SRGAP3: variants seen among roughly 807,000 people sequenced by gnomAD.
SRGAP3 encodes the protein SLIT-ROBO Rho GTPase-activating protein 3.
A neutral mutation model predicts 121.1 loss-of-function variants in SRGAP3; 39 were observed. That is an observed-to-expected ratio of 0.32 (90% CI 0.25 to 0.42). The LOEUF (loss-of-function observed/expected upper bound fraction) is 0.42. Among genes scored for constraint, SRGAP3 ranks in the 10% least tolerant of loss-of-function variants. The probability of loss-of-function intolerance (pLI) is 1.00; values close to 1 mark genes in which losing one functional copy is unlikely to be tolerated. For synonymous variants in SRGAP3, 601 were observed against 570.0 expected (o/e 1.05, Z -0.77); for missense variants, 1,213 against 1,470.6 (o/e 0.82, Z 2.86).
chr3:9,125,234 A>G (rs1949178935), intron 1 of SRGAP3, among the ~76,000 whole-genome samples: 1 of 152,184 alleles, frequency 6.6e-6, no homozygotes, highest in African/African-American at 2.4e-5. Context: ...AAATTGACTC[A>G]CCTTTCTTAC....
At chr3:9,064,873 A>G (rs1946353608) in intron 4 of SRGAP3, among the ~76,000 whole-genome samples, 1 of 151,306 alleles carries the variant, frequency 6.6e-6, no homozygotes, top group African/African-American at 2.4e-5. Context: ...ATAAATAAAT[A>G]AATAAATAAA....
chr3:9,262,534 CAAAAA>C lies in SRGAP3; in HGVS notation n.442+63471_442+63475del, dbSNP rs765408588. Among the ~76,000 whole-genome samples, 95 of 25,560 alleles carry C rather than the reference CAAAAA, an allele frequency of 3.7e-3. 1 individual carries two copies. The highest frequency in any genetic ancestry group is 6.7e-3 in the Admixed American group (11 of 1,652). The allele number at this position is 25,560 out of a possible 152,430, so 16.8% of individuals were successfully genotyped here. On this transcript the variant is annotated intron_variant and non_coding_transcript_variant, in intron 3 of 3. Transcript: ENST00000490889. ...GAAGATTTACCAAGCAAATGGAAAG[CAAAAA>C]AAAAAAAAAAAAAAAAAGCAGTGGT...
chr3:8,986,485 A>G (rs897339545), intron 21 of SRGAP3, among the ~76,000 whole-genome samples: 3 of 152,190 alleles, frequency 2.0e-5, no homozygotes, highest in African/African-American at 7.2e-5. Flanking sequence ...TCACACTTCT[A>G]AGGTAGGAAC....
intron 3 of SRGAP3, among the ~76,000 whole-genome samples, chr3:9,282,508 T>G (rs1574969689): frequency 6.6e-6 from 1 of 152,322 alleles, no homozygotes; most frequent in South Asian, 2.1e-4. Context: ...TGTTTTCTTT[T>G]GGGACAGAGT....
chr3:9,278,611 C>T (rs989867351), intron 3 of SRGAP3, among the ~76,000 whole-genome samples: 5 of 152,238 alleles, frequency 3.3e-5, no homozygotes, highest in East Asian at 1.9e-4. Context: ...GTGTCACAAA[C>T]GTAAGATTAC....
chr3:9,136,776 C>T (rs1949680581), intron 1 of SRGAP3, among the ~76,000 whole-genome samples: 1 of 152,202 alleles, frequency 6.6e-6, no homozygotes. Context: ...GGAGACTCCG[C>T]CAGGAGCTTC....
upstream of SRGAP3, among the ~76,000 whole-genome samples, chr3:9,250,341 C>A (rs951234342): frequency 6.6e-6 from 1 of 152,142 alleles, no homozygotes; most frequent in Non-Finnish European, 1.5e-5. Context: ...CTGAAGCTCC[C>A]GGGGCTCCAC....
At chr3:9,069,399 C>T (rs1946578725) in intron 4 of SRGAP3, among the ~76,000 whole-genome samples, 1 of 152,152 alleles carries the variant, frequency 6.6e-6, no homozygotes, top group Non-Finnish European at 1.5e-5. Context: ...TGCAGGAGCT[C>T]AGCTGAGGCC....
At chr3:8,995,512 T>C (rs73810785) in intron 18 of SRGAP3, among the ~76,000 whole-genome samples, 4,875 of 152,188 alleles carry the variant, frequency 0.032, 270 homozygotes, top group African/African-American at 0.11. Context: ...CAAAAGGGCA[T>C]AGCTTAGTAC....
chr3:9,246,363 G>A (rs1219586011), intron 1 of SRGAP3, among the ~76,000 whole-genome samples: 2 of 152,166 alleles, frequency 1.3e-5, no homozygotes, highest in African/African-American at 4.8e-5. Flanking sequence ...ATGTTCTTCA[G>A]AGGCATGCAA....
chr3:9,047,320 C>A (rs1446678469), intron 10 of SRGAP3, 71 bp downstream of exon 10: 30 of 1,505,446 alleles, frequency 2.0e-5, no homozygotes, highest in Non-Finnish European at 2.4e-5. Context: ...CAGCTCAACA[C>A]GTCAGGGGGC....
At chr3:9,359,978 G>A (rs1293626977) in intron 1 of SRGAP3, among the ~76,000 whole-genome samples, 1 of 152,154 alleles carries the variant, frequency 6.6e-6, no homozygotes, top group Non-Finnish European at 1.5e-5. Context: ...TGCCCAGGCT[G>A]GAGTACAGTG....
chr3:9,135,909 C>A (rs796325970), intron 1 of SRGAP3, among the ~76,000 whole-genome samples: 5 of 152,230 alleles, frequency 3.3e-5, no homozygotes, highest in African/African-American at 9.6e-5. Context: ...TACCTTCCCC[C>A]CTGGGGTTGT....
At chr3:9,045,158 C>T (rs1414246054) in intron 10 of SRGAP3, among the ~76,000 whole-genome samples, 1 of 147,674 alleles carries the variant, frequency 6.8e-6, no homozygotes, top group Non-Finnish European at 1.5e-5. Context: ...TTTTCTGTAG[C>T]TCTAAAACTG....
chr3:9,116,521 T>C (rs750496569), intron 2 of SRGAP3, among the ~76,000 whole-genome samples: 3 of 152,046 alleles, frequency 2.0e-5, no homozygotes, highest in Non-Finnish European at 4.4e-5. Context: ...ACAACTCACA[T>C]GGGAGGCGAG....
chr3:9,262,534 C>CAAAAAAAAAAAAAAAAAAAAAAAAAAAAA lies in SRGAP3; in HGVS notation n.442+63475_442+63476insTTTTTTTTTTTTTTTTTTTTTTTTTTTTT, dbSNP rs765408588. Among the ~76,000 whole-genome samples, 10 of 25,568 alleles carry CAAAAAAAAAAAAAAAAAAAAAAAAAAAAA rather than the reference C, an allele frequency of 3.9e-4. 1 individual carries two copies. The highest frequency in any genetic ancestry group is 2.2e-3 in the South Asian group (1 of 460). 16.8% of individuals were successfully genotyped at this position (25,568 alleles called of 152,430 possible). A position where few individuals can be genotyped will look rare whatever the true frequency, so the allele number is the denominator to read the frequency against. On this transcript the variant is annotated intron_variant and non_coding_transcript_variant, in intron 3 of 3. Transcript: ENST00000490889. Reference sequence around the variant, plus strand: ...GAAGATTTACCAAGCAAATGGAAAGCAAAAAAAAAAAAAAAAAAAAAAGCA... The same window carrying CAAAAAAAAAAAAAAAAAAAAAAAAAAAAA: ...GAAGATTTACCAAGCAAATGGAAAGCAAAAAAAAAAAAAAAAAAAAAAAAAAAAAAAAAAAAAAAAAAAAAAAAAAAGCA...
intron 3 of SRGAP3, among the ~76,000 whole-genome samples, chr3:9,295,419 T>C (rs1954935979): frequency 6.6e-6 from 1 of 152,204 alleles, no homozygotes; most frequent in Non-Finnish European, 1.5e-5. Context: ...CTCTACACTC[T>C]AGCATCGTGC....
intron 1 of SRGAP3, among the ~76,000 whole-genome samples, chr3:9,207,244 T>A (rs1056201508): frequency 6.6e-6 from 1 of 152,218 alleles, no homozygotes; most frequent in African/African-American, 2.4e-5. Flanking sequence ...CAAATGAACT[T>A]TGAGTTCAGT....
chr3:9,299,075 A>G (rs1164590371), intron 3 of SRGAP3, among the ~76,000 whole-genome samples: 2 of 147,932 alleles, frequency 1.4e-5, no homozygotes, highest in Admixed American at 1.3e-4. Flanking sequence ...AAAAAAGAAA[A>G]TAGATGGCTG....
Sources: gnomAD v4.1 joint callset for allele counts (sites outside exome capture counted in the v4.1 genomes callset) on GRCh38, gnomAD v4.1.1 for gene constraint, MANE v1.5 for transcripts, NCBI Gene and HGNC (gene_info 2026-07-23, HGNC 2026-07-21) for gene names.